OTUD7A: variants seen among roughly 807,000 people sequenced by gnomAD.
OTUD7A encodes the protein OTU deubiquitinase 7A.
A neutral mutation model predicts 65.7 loss-of-function variants in OTUD7A; 12 were observed. The ratio of observed to expected loss-of-function variants is 0.18; its 90% CI spans 0.12 to 0.30. The LOEUF is 0.30. Among genes scored for constraint, OTUD7A ranks in the 10% least tolerant of loss-of-function variants. The pLI is 1.00. For missense variants in OTUD7A, 1,148 were observed against 1,304.8 expected, an observed-to-expected ratio of 0.88 and a Z score of 1.85; for synonymous variants, 641 against 586.3, an observed-to-expected ratio of 1.09 and a Z score of -1.35.
chr15:31,520,423 G>C (rs920769753), intron 8 of OTUD7A, among the ~76,000 whole-genome samples: 1 of 152,202 alleles, frequency 6.6e-6, no homozygotes, highest in Admixed American at 6.5e-5. Context: ...TCACTATTTA[G>C]TGTTGGGAAA....
chr15:31,719,188 G>T (rs533275046), intron 1 of OTUD7A, among the ~76,000 whole-genome samples: 1 of 152,184 alleles, frequency 6.6e-6, no homozygotes, highest in South Asian at 2.1e-4. Flanking sequence ...GCACTCAAGC[G>T]ATCTTCAGTC....
chr15:31,809,395 C>T lies in OTUD7A; in HGVS notation c.-100+61112G>A, dbSNP rs975055105. 9.2e-5 allele frequency among the ~76,000 whole-genome samples: 14 copies of T among 152,308 alleles called. No individual in the cohort carries two copies. In the South Asian group the frequency reaches 1.0e-3, roughly 11 times the overall value. On this transcript the variant is annotated intron_variant, in intron 1 of 12. Coordinates refer to ENST00000307050, the MANE Select transcript of OTUD7A (RefSeq NM_001382637.1). ...GGTAGTGGTGGGTTACTGCGTCTAG[C>T]GTTGGGCAATGGATATAGACTACTG...
chr15:31,539,990 G>A (rs191812920), intron 5 of OTUD7A, among the ~76,000 whole-genome samples: 13 of 152,280 alleles, frequency 8.5e-5, no homozygotes, highest in Admixed American at 4.6e-4. Context: ...CATTTGTCTC[G>A]ATTAAGTTTT....
At chr15:31,616,715 T>G (rs1033154590) in intron 3 of OTUD7A, among the ~76,000 whole-genome samples, 8 of 152,142 alleles carry the variant, frequency 5.3e-5, no homozygotes, top group African/African-American at 1.9e-4. Context: ...GGCTAATTTT[T>G]GTATTTTCAG....
intron 1 of OTUD7A, among the ~76,000 whole-genome samples, chr15:31,780,759 T>A (rs914513449): frequency 6.6e-6 from 1 of 152,234 alleles, no homozygotes; most frequent in South Asian, 2.1e-4. Context: ...GAGTATTCCA[T>A]CAACTTTGCT....
At chr15:31,668,334 T>C (rs577973364) in intron 1 of OTUD7A, among the ~76,000 whole-genome samples, 24 of 152,306 alleles carry the variant, frequency 1.6e-4, no homozygotes, top group African/African-American at 5.3e-4. Context: ...GGAGGCTTTG[T>C]TCATATTTTC....
intron 8 of OTUD7A, among the ~76,000 whole-genome samples, chr15:31,515,957 C>T (rs75787609): frequency 7.8e-6 from 1 of 127,966 alleles, no homozygotes; most frequent in African/African-American, 3.0e-5. Flanking sequence ...CATCCATCCA[C>T]CCACCCACCT....
intron 1 of OTUD7A, among the ~76,000 whole-genome samples, chr15:31,814,065 T>C (rs980117420): frequency 5.9e-5 from 9 of 152,148 alleles, no homozygotes; most frequent in Admixed American, 1.3e-4. Flanking sequence ...GGGTAACAAA[T>C]AGACCAGCCG....
At chr15:31,514,523 G>A (rs2041813565) in intron 8 of OTUD7A, among the ~76,000 whole-genome samples, 1 of 152,094 alleles carries the variant, frequency 6.6e-6, no homozygotes, top group Non-Finnish European at 1.5e-5. Flanking sequence ...TGAGTTCACT[G>A]ATACCTCCAA....
intron 1 of OTUD7A, among the ~76,000 whole-genome samples, chr15:31,749,926 A>C (rs1453870333): frequency 6.6e-6 from 1 of 152,164 alleles, no homozygotes; most frequent in African/African-American, 2.4e-5. Context: ...AATAACATTC[A>C]AGCTGGGAGT....
At chr15:31,860,677 G>GTA (rs1555425282) in intron 1 of OTUD7A, among the ~76,000 whole-genome samples, 2,343 of 73,222 alleles carry the variant, frequency 0.032, 205 homozygotes, top group African/African-American at 0.098. Flanking sequence ...ATGTATGTGT[G>GTA]TATATATATA....
intron 1 of OTUD7A, among the ~76,000 whole-genome samples, chr15:31,860,700 T>TATATATATATATATATATAC (rs1897715268): frequency 7.7e-6 from 1 of 130,312 alleles, no homozygotes; most frequent in Non-Finnish European, 1.6e-5. Context: ...TATATATATA[T>TATATATATATATATATATAC]GTATGTATAT....
At chr15:31,551,239 T>C (rs1344599175) in intron 5 of OTUD7A, among the ~76,000 whole-genome samples, 2 of 152,102 alleles carry the variant, frequency 1.3e-5, no homozygotes, top group Non-Finnish European at 2.9e-5. Context: ...TATTCTAACA[T>C]CCAGCAGAAC....
At chr15:31,563,947 T>A (rs938901698) in intron 4 of OTUD7A, among the ~76,000 whole-genome samples, 1 of 152,136 alleles carries the variant, frequency 6.6e-6, no homozygotes, top group Admixed American at 6.5e-5. Flanking sequence ...GATAACTGCG[T>A]GCCCCAGGAG....
intron 1 of OTUD7A, among the ~76,000 whole-genome samples, chr15:31,853,250 A>G (rs1408252351): frequency 6.6e-6 from 1 of 152,218 alleles, no homozygotes; most frequent in East Asian, 1.9e-4. Context: ...AAAGATTACA[A>G]GCAAAACCCC....
intron 10 of OTUD7A, among the ~76,000 whole-genome samples, chr15:31,495,621 T>C (rs2141074325): frequency 6.6e-6 from 1 of 152,340 alleles, no homozygotes; most frequent in Admixed American, 6.5e-5. Context: ...CCAGTGAGAC[T>C]GGCCACACAC....
At chr15:31,572,078 T>C (rs182867320) in intron 3 of OTUD7A, among the ~76,000 whole-genome samples, 206 of 152,334 alleles carry the variant, frequency 1.4e-3, no homozygotes, top group African/African-American at 4.6e-3. Flanking sequence ...TTAATTCTAG[T>C]TACAACTTAC....
chr15:31,761,223 A>T (rs1248260824), intron 1 of OTUD7A, among the ~76,000 whole-genome samples: 3 of 152,178 alleles, frequency 2.0e-5, no homozygotes, highest in Admixed American at 2.0e-4. Context: ...TTTCTCAAAG[A>T]ACACTATCAA....
intron 1 of OTUD7A, among the ~76,000 whole-genome samples, chr15:31,731,814 C>A (rs1595733047): frequency 1.3e-5 from 2 of 152,000 alleles, no homozygotes; most frequent in African/African-American, 4.8e-5. Context: ...TGGGGGTGAA[C>A]AGGGACTCTT....
Sources: allele counts gnomAD v4.1 joint callset (sites outside exome capture counted in the v4.1 genomes callset), GRCh38; gene constraint gnomAD v4.1.1; transcripts MANE v1.5; gene names NCBI Gene and HGNC (gene_info 2026-07-23, HGNC 2026-07-21).